The following GFRA2 variants were observed in gnomAD, a reference collection of about 807,000 sequenced individuals.
GFRA2 encodes the protein GDNF family receptor alpha 2.
Under a neutral mutation model 48.3 loss-of-function variants are expected in GFRA2, and 17 were observed. That is an observed-to-expected ratio of 0.35 (90% CI 0.24 to 0.53). The LOEUF is 0.53. Among genes scored for constraint, GFRA2 ranks in the 20% least tolerant of loss-of-function variants. GFRA2 has a pLI of 0.93. For missense variants in GFRA2, 660 were observed against 637.3 expected (o/e 1.04, Z -0.38); for synonymous variants, 305 against 257.2 (o/e 1.19, Z -1.78).
intron 3 of GFRA2, among the ~76,000 whole-genome samples, chr8:21,753,553 A>T (rs1263799291): frequency 1.3e-5 from 2 of 152,170 alleles, no homozygotes; most frequent in Non-Finnish European, 2.9e-5. Context: ...CGGGAGGCAG[A>T]GGTTGCAGTA....
chr8:21,704,138 G>A (rs1044687781), intron 6 of GFRA2, among the ~76,000 whole-genome samples: 4 of 152,176 alleles, frequency 2.6e-5, no homozygotes, highest in African/African-American at 7.2e-5. Flanking sequence ...CCCTCCACCC[G>A]CCATGGTCTT....
At chr8:21,743,203 G>A (rs989670244) in intron 4 of GFRA2, among the ~76,000 whole-genome samples, 4 of 152,112 alleles carry the variant, frequency 2.6e-5, no homozygotes, top group South Asian at 2.1e-4. Flanking sequence ...TCAGGGTCTC[G>A]GCTCCTTGCA....
intron 4 of GFRA2, among the ~76,000 whole-genome samples, chr8:21,725,913 G>A (rs1328246446): frequency 1.3e-5 from 2 of 152,224 alleles, no homozygotes; most frequent in South Asian, 2.1e-4. Context: ...ACCCCAGGAT[G>A]GGGGTGACAG....
At chr8:21,748,058 C>G (rs1056116033) in intron 4 of GFRA2, among the ~76,000 whole-genome samples, 17 of 152,152 alleles carry the variant, frequency 1.1e-4, no homozygotes, top group Non-Finnish European at 7.4e-5. Flanking sequence ...CTTCAGGCAT[C>G]TCCAGCCCAG....
At chr8:21,698,706 G>C (rs28712883) in intron 7 of GFRA2, among the ~76,000 whole-genome samples, 231 of 152,036 alleles carry the variant, frequency 1.5e-3, no homozygotes, top group African/African-American at 5.3e-3. Flanking sequence ...GACAGGGTGT[G>C]GTTGTGAAGT....
chr8:21,769,997 A>G (rs1176313733), intron 3 of GFRA2, among the ~76,000 whole-genome samples: 2 of 152,150 alleles, frequency 1.3e-5, no homozygotes, highest in Non-Finnish European at 2.9e-5. Context: ...AGACAATGCC[A>G]TCTCTTCTAC....
chr8:21,759,505 G>GGAAGGAAC (rs1805784120), intron 3 of GFRA2, among the ~76,000 whole-genome samples: 1 of 137,956 alleles, frequency 7.2e-6, no homozygotes, highest in Non-Finnish European at 1.6e-5. Flanking sequence ...AAGGAAGGAA[G>GGAAGGAAC]GAAGGAAGGA....
intron 7 of GFRA2, among the ~76,000 whole-genome samples, chr8:21,695,387 C>T (rs1025099343): frequency 7.2e-5 from 11 of 152,136 alleles, no homozygotes; most frequent in African/African-American, 2.7e-4. Flanking sequence ...AACTGGGAAG[C>T]CCAAGAAATT....
chr8:21,766,576 C>T (rs1339212058), intron 3 of GFRA2, among the ~76,000 whole-genome samples: 5 of 151,600 alleles, frequency 3.3e-5, no homozygotes, highest in African/African-American at 1.2e-4. Context: ...GCAGTCCACA[C>T]ATTCCTGTTA....
intron 3 of GFRA2, among the ~76,000 whole-genome samples, chr8:21,773,954 G>C (rs1476008770): frequency 6.6e-6 from 1 of 152,148 alleles, no homozygotes; most frequent in Non-Finnish European, 1.5e-5. Flanking sequence ...CCACAAGAAA[G>C]AATTAACCAG....
chr8:21,712,870 G>A (rs1803126884), intron 4 of GFRA2, among the ~76,000 whole-genome samples: 1 of 152,182 alleles, frequency 6.6e-6, no homozygotes, highest in Non-Finnish European at 1.5e-5. Context: ...AGTCAGGCGT[G>A]GCGGTGCACG....
intron 1 of GFRA2, among the ~76,000 whole-genome samples, chr8:21,807,878 A>C (rs961867125): frequency 3.9e-5 from 6 of 152,244 alleles, no homozygotes; most frequent in Admixed American, 3.9e-4. Context: ...CCATCATGCC[A>C]ATGCTAGAAG....
chr8:21,731,933 C>G (rs1489312065), intron 4 of GFRA2, among the ~76,000 whole-genome samples: 2 of 152,222 alleles, frequency 1.3e-5, no homozygotes, highest in Non-Finnish European at 2.9e-5. Flanking sequence ...CAAGTTCACC[C>G]AGAGTCAAGA....
chr8:21,733,647 C>T (rs982010057), intron 4 of GFRA2, among the ~76,000 whole-genome samples: 1 of 152,216 alleles, frequency 6.6e-6, no homozygotes, highest in Non-Finnish European at 1.5e-5. Flanking sequence ...AGTTAAAGTA[C>T]ATCTCTCTGC....
chr8:21,718,018 A>G (rs1803416570), intron 4 of GFRA2, among the ~76,000 whole-genome samples: 1 of 152,184 alleles, frequency 6.6e-6, no homozygotes, highest in Non-Finnish European at 1.5e-5. Flanking sequence ...TTGAGCAGGT[A>G]ATTAAAGGAG....
chr8:21,719,216 C>A (rs529980322), intron 4 of GFRA2, among the ~76,000 whole-genome samples: 8 of 152,296 alleles, frequency 5.3e-5, no homozygotes, highest in African/African-American at 1.9e-4. Context: ...CAAGTCTGCT[C>A]TGGAACAGGG....
At chr8:21,775,989 C>CTGTGTGTTTGTGTGTG (rs1215891458) in intron 2 of GFRA2, among the ~76,000 whole-genome samples, 126 of 126,476 alleles carry the variant, frequency 1.0e-3, no homozygotes, top group African/African-American at 3.8e-3. Context: ...CACTCATCCT[C>CTGTGTGTTTGTGTGTG]TGTGTGTGTG....
At chr8:21,720,731 C>T (rs376727429) in intron 4 of GFRA2, among the ~76,000 whole-genome samples, 22 of 152,324 alleles carry the variant, frequency 1.4e-4, no homozygotes, top group Non-Finnish European at 2.8e-4. Context: ...CCCTTCCAAA[C>T]CCACCTCAGG....
intron 4 of GFRA2, among the ~76,000 whole-genome samples, chr8:21,713,255 G>A (rs1018023149): frequency 2.6e-5 from 4 of 151,848 alleles, no homozygotes; most frequent in African/African-American, 9.7e-5. Context: ...GCAGTGGCTC[G>A]ATCTCGGCTC....
Sources: gnomAD v4.1 joint callset for allele counts (sites outside exome capture counted in the v4.1 genomes callset) on GRCh38, gnomAD v4.1.1 for gene constraint, MANE v1.5 for transcripts, NCBI Gene and HGNC (gene_info 2026-07-23, HGNC 2026-07-21) for gene names.